The following EXT1 variants were observed in gnomAD, a reference collection of about 807,000 sequenced individuals.
The protein encoded by EXT1 is exostosin-1.
EXT1 carries 20 observed loss-of-function variants against 82.5 expected under a neutral mutation model. That is an observed-to-expected ratio of 0.24 (90% CI 0.17 to 0.35). The LOEUF is 0.35. Among genes scored for constraint, EXT1 ranks in the 10% least tolerant of loss-of-function variants. The probability of loss-of-function intolerance (pLI) is 1.00; values close to 1 mark genes in which losing one functional copy is unlikely to be tolerated. For missense variants in EXT1, 757 were observed against 936.5 expected (o/e 0.81, Z 2.50); for synonymous variants, 348 against 350.8 (o/e 0.99, Z 0.09).
Position 117,795,913 on chromosome 8 carries a change from GAACTC to G in EXT1, c.*3794_*3798del, listed in dbSNP as rs923315632. ...TTTGATATTAATGCTTATTTGCTGAGAACTCAACTCAAAACAACTTTGTCCCTGTA... is the reference window on the plus strand; with the variant it reads ...TTTGATATTAATGCTTATTTGCTGAGAACTCAAAACAACTTTGTCCCTGTA... On this transcript the variant is annotated 3_prime_UTR_variant, in exon 11 of 11. Coordinates refer to ENST00000378204, the MANE Select transcript of EXT1 (RefSeq NM_000127.3). The G allele has an allele frequency of 3.3e-5, 5 of 152,136 alleles. No individual in the cohort carries two copies. Among genetic ancestry groups the G allele is most frequent in the African/African-American group, 1.2e-4 (5 of 41,424 alleles). 9.4% of individuals were successfully genotyped at this position (152,136 alleles called of 1,614,324 possible).
chr8:118,044,955 A>G (rs1237713519), intron 1 of EXT1, among the ~76,000 whole-genome samples: 1 of 152,226 alleles, frequency 6.6e-6, no homozygotes, highest in Non-Finnish European at 1.5e-5. Flanking sequence ...TAAAGCATTT[A>G]CTATCTGGCG....
intron 1 of EXT1, among the ~76,000 whole-genome samples, chr8:117,924,899 T>C (rs955269701): frequency 1.3e-5 from 2 of 152,224 alleles, no homozygotes; most frequent in Admixed American, 1.3e-4. Context: ...TTTTGATATG[T>C]AATGGGCTCC....
At chr8:117,814,399 A>G (rs1400262609) in intron 7 of EXT1, among the ~76,000 whole-genome samples, 1 of 152,134 alleles carries the variant, frequency 6.6e-6, no homozygotes, top group Non-Finnish European at 1.5e-5. Flanking sequence ...CACCATAAGA[A>G]TAACATTTTT....
intron 1 of EXT1, among the ~76,000 whole-genome samples, chr8:118,074,495 C>G (rs1180234688): frequency 6.6e-6 from 1 of 152,086 alleles, no homozygotes; most frequent in Non-Finnish European, 1.5e-5. Flanking sequence ...CCAGGCAGAG[C>G]CCCACGCGTG....
At chr8:118,019,104 A>AC (rs10635949) in intron 1 of EXT1, among the ~76,000 whole-genome samples, 1 of 151,814 alleles carries the variant, frequency 6.6e-6, no homozygotes, top group African/African-American at 2.4e-5. Flanking sequence ...AAAAAAAAAA[A>AC]CTTAAAGGAA....
At chr8:118,067,370 A>G (rs1361406543) in intron 1 of EXT1, among the ~76,000 whole-genome samples, 1 of 152,228 alleles carries the variant, frequency 6.6e-6, no homozygotes, top group Non-Finnish European at 1.5e-5. Flanking sequence ...AGCTGAAGGA[A>G]GAATGTGGTG....
chr8:117,835,365 T>C (rs1344955099), intron 3 of EXT1, 79 bp downstream of exon 3: 6 of 1,055,476 alleles, frequency 5.7e-6, no homozygotes, highest in South Asian at 2.6e-5. Flanking sequence ...GCTGACCTTT[T>C]GGATTCATCT....
intron 1 of EXT1, among the ~76,000 whole-genome samples, chr8:117,849,699 A>T (rs945335339): frequency 2.0e-5 from 3 of 152,210 alleles, no homozygotes; most frequent in Non-Finnish European, 4.4e-5. Flanking sequence ...ATCTTTAGAG[A>T]TGTTTATGTA....
At chr8:118,094,215 T>C (rs931692619) in intron 1 of EXT1, among the ~76,000 whole-genome samples, 3 of 152,130 alleles carry the variant, frequency 2.0e-5, no homozygotes, top group African/African-American at 4.8e-5. Flanking sequence ...ACTTTTGTAA[T>C]AGGAGAACGA....
intron 1 of EXT1, among the ~76,000 whole-genome samples, chr8:118,008,793 T>G (rs61699770): frequency 0.021 from 3,177 of 152,270 alleles, 126 homozygotes; most frequent in African/African-American, 0.073. Flanking sequence ...ACTTTCTTCC[T>G]GCTTAAATTG....
chr8:117,835,407 T>C, intron 3 of EXT1, 37 bp downstream of exon 3: 2 of 1,471,820 alleles, frequency 1.4e-6, no homozygotes, highest in South Asian at 1.1e-5. Context: ...GCAGCAATAA[T>C]CTGCTGATGT....
rs142728766 is a variant in EXT1, at chr8:118,073,614, GGAAGA to G, written c.962+36466_962+36470del. Among the ~76,000 whole-genome samples, 655 of 139,832 alleles carry G rather than the reference GGAAGA, an allele frequency of 4.7e-3. 13 individuals are homozygous for G. The highest frequency in any genetic ancestry group is 0.016 in the African/African-American group (580 of 35,378). The allele number at this position is 139,832 out of a possible 152,430, so 91.7% of individuals were successfully genotyped here. A position where few individuals can be genotyped will look rare whatever the true frequency, so the allele number is the denominator to read the frequency against. On this transcript the variant is annotated intron_variant, in intron 1 of 10. Coordinates refer to ENST00000378204, the MANE Select transcript of EXT1 (RefSeq NM_000127.3). ...CAGCCTGGGCTACAGAGAGAGGAAA[GGAAGA>G]GAAGAGAAGAGAAAGAAGAGAAGAG... is the stretch of plus-strand genomic sequence containing the variant.
At chr8:117,865,674 T>A (rs569629467) in intron 1 of EXT1, among the ~76,000 whole-genome samples, 1 of 152,324 alleles carries the variant, frequency 6.6e-6, no homozygotes, top group East Asian at 1.9e-4. Context: ...ATAGCAAAAC[T>A]TGCTTGTATT....
chr8:118,108,104 GT>G (rs1446444202), intron 1 of EXT1, among the ~76,000 whole-genome samples: 2 of 152,124 alleles, frequency 1.3e-5, no homozygotes, highest in Non-Finnish European at 1.5e-5. Context: ...AAAAATTAAA[GT>G]TTTAAAGAAA....
At chr8:117,885,494 CAAAA>C (rs11300586) in intron 1 of EXT1, among the ~76,000 whole-genome samples, 3 of 103,416 alleles carry the variant, frequency 2.9e-5, no homozygotes, top group African/African-American at 7.4e-5. Flanking sequence ...AAGTAACAGA[CAAAA>C]AAAAAAAAAA....
At chr8:117,896,617 G>A (rs1813343342) in intron 1 of EXT1, among the ~76,000 whole-genome samples, 1 of 152,158 alleles carries the variant, frequency 6.6e-6, no homozygotes, top group African/African-American at 2.4e-5. Context: ...AAGGGTTTCT[G>A]CTTCCCCAGG....
chr8:118,104,841 T>C (rs1015847742), intron 1 of EXT1, among the ~76,000 whole-genome samples: 3 of 152,334 alleles, frequency 2.0e-5, no homozygotes, highest in Admixed American at 6.5e-5. Context: ...TCTGTGTTCA[T>C]GTTTGAACAT....
At chr8:117,981,630 G>A (rs922756710) in intron 1 of EXT1, among the ~76,000 whole-genome samples, 3 of 152,056 alleles carry the variant, frequency 2.0e-5, no homozygotes, top group African/African-American at 7.3e-5. Flanking sequence ...CCCTCTTTGG[G>A]AGGCCAAGGC....
chr8:118,107,467 A>G (rs1254003525), intron 1 of EXT1, among the ~76,000 whole-genome samples: 1 of 152,166 alleles, frequency 6.6e-6, no homozygotes, highest in Non-Finnish European at 1.5e-5. Flanking sequence ...TGAGAAGTCA[A>G]ACTTACACAG....
Sources: allele counts gnomAD v4.1 joint callset (sites outside exome capture counted in the v4.1 genomes callset), GRCh38; gene constraint gnomAD v4.1.1; transcripts MANE v1.5; gene names NCBI Gene and HGNC (gene_info 2026-07-23, HGNC 2026-07-21).